Variants in NAT1 observed in about 807,000 individuals in gnomAD.
NAT1 encodes arylamine N-acetyltransferase 1.
For synonymous variants in NAT1, 144 were observed against 122.6 expected (o/e 1.17, Z -1.16); for missense variants, 400 against 339.2 (o/e 1.18, Z -1.41).
intron 2 of NAT1, among the ~76,000 whole-genome samples, chr8:18,181,296 GA>G (rs1802506633): frequency 6.6e-6 from 1 of 151,906 alleles, no homozygotes. Context: ...CAATTTCTAA[GA>G]TTTTTTTGCA....
At chr8:18,202,789 T>G (rs1489558522) in intron 2 of NAT1, among the ~76,000 whole-genome samples, 1 of 152,018 alleles carries the variant, frequency 6.6e-6, no homozygotes, top group Non-Finnish European at 1.5e-5. Flanking sequence ...GCAAGATTTA[T>G]TGTGAAGAGT....
At position 18,222,225 on chromosome 8, in the gene NAT1, G is replaced by C. The variant is rs1368442859; in HGVS notation, c.178G>C (p.Val60Leu). 5 of 1,613,976 alleles carry C rather than the reference G, an allele frequency of 3.1e-6. No individual in the cohort carries two copies. The African/African-American group carries it at 6.7e-5, about 22-fold the overall frequency. Reference sequence around the variant, plus strand: ...CTTAGAGGCCATTTTTGATCAAGTTGTGAGAAGAAATCGGGGTGGATGGTG... The same window carrying C: ...CTTAGAGGCCATTTTTGATCAAGTTCTGAGAAGAAATCGGGGTGGATGGTG... Reference protein sequence around the residue: ...LGLEAIFDQVVRRNRGGWCLQ... With the variant: ...LGLEAIFDQVLRRNRGGWCLQ... The change falls in exon 3 of 3, where the codon GTG becomes CTG. Residue 60 changes from valine (V) to leucine (L), a missense_variant. Physicochemically the swap from Val to Leu is conservative, Grantham distance 32. Coordinates refer to ENST00000307719, the MANE Select transcript of NAT1 (RefSeq NM_000662.8).
intron 1 of NAT1, among the ~76,000 whole-genome samples, chr8:18,214,314 G>A (rs1179467729): frequency 3.3e-5 from 5 of 152,138 alleles, no homozygotes; most frequent in African/African-American, 1.2e-4. Context: ...GGATAGCTCA[G>A]TTATTGCATT....
At position 18,222,630 on chromosome 8, in the gene NAT1, A is replaced by C; in HGVS notation, c.583A>C (p.Lys195Gln). ...CCGAAAAATCTACTCCTTTACTCTTAAGCCTCGAACAATTGAAGATTTTGA... is the reference window on the plus strand; with the variant it reads ...CCGAAAAATCTACTCCTTTACTCTTCAGCCTCGAACAATTGAAGATTTTGA... Reference protein sequence around the residue: ...KYRKIYSFTLKPRTIEDFESM... With the variant: ...KYRKIYSFTLQPRTIEDFESM... Residue 195 changes from lysine (K) to glutamine (Q), a missense_variant, in exon 3 of 3, where the codon AAG (lysine) becomes CAG (glutamine). Physicochemically the swap from Lys to Gln is moderately conservative, Grantham distance 53 (BLOSUM62 1). Coordinates refer to ENST00000307719, the MANE Select transcript of NAT1 (RefSeq NM_000662.8). 6.2e-7 allele frequency: 1 copy of C among 1,613,208 alleles called. No homozygotes were observed. The highest frequency in any genetic ancestry group is 8.5e-7 in the Non-Finnish European group (1 of 1,179,734).
At chr8:18,217,905 G>A (rs950688902) in intron 1 of NAT1, among the ~76,000 whole-genome samples, 5 of 152,112 alleles carry the variant, frequency 3.3e-5, no homozygotes, top group Admixed American at 3.3e-4. Flanking sequence ...TTCCATTTGC[G>A]GCTTCCTGCT....
upstream of NAT1, among the ~76,000 whole-genome samples, chr8:18,207,922 A>G (rs2117315590): frequency 6.6e-6 from 1 of 152,356 alleles, no homozygotes; most frequent in South Asian, 2.1e-4. Flanking sequence ...AGACCATGGA[A>G]TACTATGCAG....
At chr8:18,216,748 T>G in intron 1 of NAT1, 1 of 574,284 alleles carries the variant, frequency 1.7e-6, no homozygotes, top group Non-Finnish European at 3.0e-6. Flanking sequence ...AAAAGCAAAA[T>G]TTCGTAAGAG....
chr8:18,177,402 A>C (rs4921873), intron 2 of NAT1, among the ~76,000 whole-genome samples: 44,072 of 151,942 alleles, frequency 0.29, 6,903 homozygotes, highest in South Asian at 0.42. Context: ...CTAAGTCCTA[A>C]AATTTTGTGT....
At chr8:18,174,083 C>T (rs1337434149) in intron 2 of NAT1, among the ~76,000 whole-genome samples, 2 of 151,978 alleles carry the variant, frequency 1.3e-5, no homozygotes, top group African/African-American at 2.4e-5. Context: ...CTCACTGGCG[C>T]CCTAGGGTCA....
intron 2 of NAT1, among the ~76,000 whole-genome samples, chr8:18,179,016 C>T (rs371021959): frequency 2.0e-5 from 3 of 152,202 alleles, no homozygotes; most frequent in East Asian, 3.9e-4. Flanking sequence ...CTTGTTCCTG[C>T]GTGCCTTTAA....
chr8:18,193,237 C>G (rs1803088911), intron 2 of NAT1, among the ~76,000 whole-genome samples: 2 of 149,956 alleles, frequency 1.3e-5, no homozygotes, highest in South Asian at 4.2e-4. Flanking sequence ...GCCACCACAC[C>G]TGGCTAATTT....
intron 2 of NAT1, among the ~76,000 whole-genome samples, chr8:18,172,140 T>C (rs1449150679): frequency 6.6e-6 from 1 of 152,180 alleles, no homozygotes; most frequent in Non-Finnish European, 1.5e-5. Context: ...AACAACCACT[T>C]GTGTTGATTT....
rs767117934 is a variant in NAT1, at chr8:18,222,843, G to A, written c.796G>A (p.Val266Met). Residue 266 changes from valine to methionine, a missense_variant, in exon 3 of 3, where the codon GTG (valine) becomes ATG (methionine). Val to Met is a conservative substitution (Grantham distance 21). Coordinates refer to ENST00000307719, the MANE Select transcript of NAT1 (RefSeq NM_000662.8). ...TCTGAGTGAGGAAGAAATAGAAAAAGTGCTGAAAAATATATTTAATATTTC... is the reference window on the plus strand; with the variant it reads ...TCTGAGTGAGGAAGAAATAGAAAAAATGCTGAAAAATATATTTAATATTTC... ...KTLSEEEIEK[V>M]LKNIFNISLQ... is the part of the protein sequence containing the mutation. The A allele has an allele frequency of 7.2e-5, 115 of 1,601,982 alleles. No individual in the cohort carries two copies. The highest frequency in any genetic ancestry group is 9.1e-5 in the Non-Finnish European group (107 of 1,176,624).
At chr8:18,209,737 GA>G (rs1563181587), upstream of NAT1, 2 of 152,142 alleles carry the variant, frequency 1.3e-5, no homozygotes, top group African/African-American at 4.8e-5. Flanking sequence ...CATAAACTTG[GA>G]GTGTGATTAA....
At chr8:18,193,585 T>A (rs1028175704) in intron 2 of NAT1, among the ~76,000 whole-genome samples, 1 of 147,878 alleles carries the variant, frequency 6.8e-6, no homozygotes, top group Non-Finnish European at 1.5e-5. Context: ...TATCATGTAA[T>A]TCCTGTGAAA....
At chr8:18,183,542 G>A (rs1802606075) in intron 2 of NAT1, among the ~76,000 whole-genome samples, 1 of 152,092 alleles carries the variant, frequency 6.6e-6, no homozygotes, top group Admixed American at 6.6e-5. Context: ...TGTCTTAAAG[G>A]CCATTAGAGA....
chr8:18,184,469 ACTTT>A (rs1489820709), intron 2 of NAT1, among the ~76,000 whole-genome samples: 2 of 152,174 alleles, frequency 1.3e-5, no homozygotes, highest in African/African-American at 4.8e-5. Flanking sequence ...TCATTCTCCC[ACTTT>A]CTTGATGAGT....
intron 2 of NAT1, among the ~76,000 whole-genome samples, chr8:18,172,415 C>T (rs1802131401): frequency 2.6e-5 from 4 of 152,210 alleles, no homozygotes; most frequent in Admixed American, 2.6e-4. Flanking sequence ...CTTCTGATCA[C>T]TAGCTGGGTT....
chr8:18,220,980 C>T (rs183656133), intron 2 of NAT1, among the ~76,000 whole-genome samples: 1 of 152,338 alleles, frequency 6.6e-6, no homozygotes, highest in East Asian at 1.9e-4. Flanking sequence ...AGAAACATCA[C>T]TTTGATTGTG....
Sources: gnomAD v4.1 joint callset for allele counts (sites outside exome capture counted in the v4.1 genomes callset) on GRCh38, gnomAD v4.1.1 for gene constraint, MANE v1.5 for transcripts, NCBI Gene and HGNC (gene_info 2026-07-23, HGNC 2026-07-21) for gene names.